CALN1: variants seen among roughly 807,000 people sequenced by gnomAD.
CALN1 encodes calcium-binding protein 8.
Under a neutral mutation model 30.6 loss-of-function variants are expected in CALN1, and 17 were observed. That is an observed-to-expected ratio of 0.56 (90% CI 0.38 to 0.83). CALN1 has a LOEUF of 0.83. Ranked by LOEUF, CALN1 falls within the 40% of genes least tolerant of loss-of-function variation. The probability of loss-of-function intolerance (pLI) is 0.00; values close to 1 mark genes in which losing one functional copy is unlikely to be tolerated. For synonymous variants in CALN1, 156 were observed against 131.4 expected (o/e 1.19, Z -1.28); for missense variants, 291 against 354.9 (o/e 0.82, Z 1.45).
At chr7:71,893,573 C>T (rs1038353473) in intron 5 of CALN1, among the ~76,000 whole-genome samples, 5 of 151,830 alleles carry the variant, frequency 3.3e-5, no homozygotes, top group Non-Finnish European at 5.9e-5. Flanking sequence ...CACATGTAAT[C>T]GCAGCTACTT....
At chr7:71,906,701 A>C (rs1794156378) in intron 5 of CALN1, among the ~76,000 whole-genome samples, 1 of 152,178 alleles carries the variant, frequency 6.6e-6, no homozygotes, top group Non-Finnish European at 1.5e-5. Flanking sequence ...GCAAATGAGC[A>C]AACTTCAAAA....
intron 3 of CALN1, among the ~76,000 whole-genome samples, chr7:72,258,658 G>A (rs1796080884): frequency 6.6e-6 from 1 of 152,132 alleles, no homozygotes; most frequent in Non-Finnish European, 1.5e-5. Context: ...GGTGGCTCAC[G>A]CCTGTAATCT....
chr7:72,479,101 C>T, the CALN1 span, among the ~76,000 whole-genome samples: 6 of 152,064 alleles, frequency 3.9e-5, no homozygotes, highest in East Asian at 7.7e-4. Flanking sequence ...AGGCTGGTCT[C>T]GATCTCCTGA....
chr7:71,858,949 TGA>T (rs1457673550), intron 5 of CALN1, among the ~76,000 whole-genome samples: 9 of 152,232 alleles, frequency 5.9e-5, no homozygotes, highest in African/African-American at 2.2e-4. Flanking sequence ...CTAAATTGAC[TGA>T]GACCTGTCTC....
chr7:71,957,459 A>G, intron 5 of CALN1, among the ~76,000 whole-genome samples: 1 of 152,048 alleles, frequency 6.6e-6, no homozygotes, highest in South Asian at 2.1e-4. Flanking sequence ...CACTCTGCAA[A>G]AAATCAAACC....
At chr7:72,015,304 C>T (rs116043642) in intron 5 of CALN1, among the ~76,000 whole-genome samples, 4 of 152,346 alleles carry the variant, frequency 2.6e-5, no homozygotes, top group Non-Finnish European at 4.4e-5. Flanking sequence ...CTCAAGCCAG[C>T]GTTGACGTCA....
At chr7:72,468,445 G>T in the CALN1 span, among the ~76,000 whole-genome samples, 1 of 152,092 alleles carries the variant, frequency 6.6e-6, no homozygotes, top group East Asian at 1.9e-4. Context: ...TACTGAGTAG[G>T]CGGGACTACA....
the CALN1 span, among the ~76,000 whole-genome samples, chr7:72,481,204 G>C: frequency 6.6e-6 from 1 of 151,998 alleles, no homozygotes; most frequent in Non-Finnish European, 1.5e-5. Flanking sequence ...CGCCCGCGTC[G>C]GCCTCCCAAA....
chr7:72,231,336 A>G (rs1357361219), intron 3 of CALN1, among the ~76,000 whole-genome samples: 1 of 152,022 alleles, frequency 6.6e-6, no homozygotes, highest in Non-Finnish European at 1.5e-5. Context: ...TCCTGTGTCC[A>G]TGTGTTCTCA....
At chr7:72,194,141 C>T (rs1487031755) in intron 3 of CALN1, among the ~76,000 whole-genome samples, 3 of 152,228 alleles carry the variant, frequency 2.0e-5, no homozygotes, top group Non-Finnish European at 4.4e-5. Flanking sequence ...CTTGCAGAAT[C>T]ACCATTGTTT....
intron 3 of CALN1, among the ~76,000 whole-genome samples, chr7:72,213,378 T>C (rs1271609915): frequency 6.6e-6 from 1 of 152,130 alleles, no homozygotes; most frequent in Non-Finnish European, 1.5e-5. Context: ...CAAAACTTTA[T>C]GGGTCAGAGA....
At chr7:72,310,298 T>C (rs947277918) in intron 2 of CALN1, among the ~76,000 whole-genome samples, 4 of 150,688 alleles carry the variant, frequency 2.7e-5, no homozygotes, top group Admixed American at 6.7e-5. Flanking sequence ...CATTGAGCCA[T>C]TGTGAGGGTT....
At chr7:72,054,550 T>TACATACATATATATATAC (rs1803123951) in intron 4 of CALN1, among the ~76,000 whole-genome samples, 2 of 146,470 alleles carry the variant, frequency 1.4e-5, no homozygotes, top group African/African-American at 5.0e-5. Context: ...TATACATATA[T>TACATACATATATATATAC]ATATATATAT....
chr7:72,134,480 G>A (rs1809369946), intron 3 of CALN1, among the ~76,000 whole-genome samples: 1 of 152,162 alleles, frequency 6.6e-6, no homozygotes, highest in East Asian at 1.9e-4. Context: ...AATAAAGCAA[G>A]TCACACCAAT....
intron 2 of CALN1, among the ~76,000 whole-genome samples, chr7:72,359,792 G>A (rs555184074): frequency 5.9e-5 from 9 of 151,816 alleles, no homozygotes; most frequent in East Asian, 1.9e-4. Flanking sequence ...TGCTGAACAC[G>A]GTGAATCCCC....
chr7:72,088,784 G>GGGAGGGAAGGAA (rs1554436710), intron 4 of CALN1, among the ~76,000 whole-genome samples: 4 of 149,018 alleles, frequency 2.7e-5, no homozygotes, highest in Non-Finnish European at 4.4e-5. Context: ...AGAGAAGGAA[G>GGGAGGGAAGGAA]GGAAGGAAGG....
chr7:72,281,259 T>C (rs1328493036), intron 2 of CALN1, among the ~76,000 whole-genome samples: 1 of 152,128 alleles, frequency 6.6e-6, no homozygotes, highest in Non-Finnish European at 1.5e-5. Context: ...CTGAAAGATG[T>C]AGGACCCTTG....
intron 4 of CALN1, among the ~76,000 whole-genome samples, chr7:72,027,697 G>C (rs1425401596): frequency 3.4e-5 from 5 of 148,496 alleles, no homozygotes; most frequent in Non-Finnish European, 7.4e-5. Flanking sequence ...GGTTGACAGA[G>C]TGAGACCCTG....
At chr7:72,185,203 A>C (rs527572936) in intron 3 of CALN1, among the ~76,000 whole-genome samples, 1 of 152,200 alleles carries the variant, frequency 6.6e-6, no homozygotes, top group South Asian at 2.1e-4. Flanking sequence ...AAAGAGTCCA[A>C]GCGTAGAAAA....
Sources: gnomAD v4.1 joint callset for allele counts (sites outside exome capture counted in the v4.1 genomes callset) on GRCh38, gnomAD v4.1.1 for gene constraint, MANE v1.5 for transcripts, NCBI Gene and HGNC (gene_info 2026-07-23, HGNC 2026-07-21) for gene names.